Variants in LAMA3 observed in about 807,000 individuals in gnomAD.
LAMA3 encodes the protein laminin subunit alpha 3, also known as laminin subunit alpha-3.
Under a neutral mutation model 402.0 loss-of-function variants are expected in LAMA3, and 281 were observed. That is an observed-to-expected ratio of 0.70 (90% CI 0.63 to 0.77). The LOEUF is 0.77. Ranked by LOEUF, LAMA3 falls within the 30% of genes least tolerant of loss-of-function variation. LAMA3 has a pLI of 0.00. For synonymous variants in LAMA3, 1,431 were observed against 1,558.4 expected, an observed-to-expected ratio of 0.92 and a Z score of 1.93; for missense variants, 3,840 against 4,215.5, an observed-to-expected ratio of 0.91 and a Z score of 2.47.
chr18:23,780,970 C>T (rs548802915), intron 11 of LAMA3, among the ~76,000 whole-genome samples: 5 of 152,280 alleles, frequency 3.3e-5, no homozygotes, highest in Admixed American at 3.3e-4. Context: ...CAGAGAGCCT[C>T]CTTAGGAAGT....
intron 67 of LAMA3, among the ~76,000 whole-genome samples, chr18:23,936,422 G>T (rs778491906): frequency 7.7e-6 from 1 of 130,678 alleles, no homozygotes; most frequent in Non-Finnish European, 1.5e-5. Context: ...GGTGTGTGAC[G>T]TTCCCCTTCC....
At chr18:23,791,734 T>TAAA (rs11348422) in intron 12 of LAMA3, among the ~76,000 whole-genome samples, 3 of 89,658 alleles carry the variant, frequency 3.3e-5, no homozygotes, top group East Asian at 4.4e-4. Flanking sequence ...AGAATTTGTC[T>TAAA]AAAAAAAAAA....
chr18:23,712,137 T>A (rs1169674516), intron 1 of LAMA3, among the ~76,000 whole-genome samples: 1 of 152,124 alleles, frequency 6.6e-6, no homozygotes, highest in African/African-American at 2.4e-5. Context: ...TCCCAGCACT[T>A]TGGGAGGCCG....
At chr18:23,878,352 ACT>A (rs777271795) in intron 39 of LAMA3, among the ~76,000 whole-genome samples, 98 of 152,262 alleles carry the variant, frequency 6.4e-4, no homozygotes, top group Non-Finnish European at 1.3e-3. Flanking sequence ...GCCGCCAGAG[ACT>A]CTTCATTCAG....
chr18:23,805,913 G>A (rs1048548618), intron 12 of LAMA3, among the ~76,000 whole-genome samples: 1 of 152,190 alleles, frequency 6.6e-6, no homozygotes, highest in African/African-American at 2.4e-5. Context: ...AGAGTTCTGG[G>A]TCTGTAAACC....
intron 74 of LAMA3, 128 bp downstream of exon 74, chr18:23,953,237 G>A (rs2082982981): frequency 8.1e-7 from 1 of 1,239,700 alleles, no homozygotes; most frequent in Non-Finnish European, 1.2e-6. Flanking sequence ...CTGGCATGTG[G>A]GGAAAGGCAG....
chr18:23,922,534 C>T (rs2081877457), intron 62 of LAMA3, among the ~76,000 whole-genome samples: 1 of 152,210 alleles, frequency 6.6e-6, no homozygotes, highest in African/African-American at 2.4e-5. Flanking sequence ...AATGGGAAAG[C>T]TGGGCACTTC....
At chr18:23,717,486 G>GTTA (rs2061122606) in intron 2 of LAMA3, among the ~76,000 whole-genome samples, 1 of 130,808 alleles carries the variant, frequency 7.6e-6, no homozygotes, top group Non-Finnish European at 1.6e-5. Context: ...GTTTTTCATT[G>GTTA]TTATTTTTTT....
chr18:23,847,758 C>T (rs929646075), intron 32 of LAMA3, 90 bp downstream of exon 32: 12 of 1,357,720 alleles, frequency 8.8e-6, no homozygotes, highest in Middle Eastern at 4.9e-4. Flanking sequence ...TTCCACTTCC[C>T]ACCTGTCCAG....
chr18:23,912,794 ATC>A lies in LAMA3; in HGVS notation c.7246_7247del (p.Leu2416ValfsTer16). ...ACCTGGAAGATTTGAAAGGATATAC[ATC>A]TCTGTCCTTGTTTCTCCAAAGGCCC... The part of the protein sequence containing the change: ...NDLEDLKGYT[S>X]LSLFLQRPNS... On this transcript the variant is annotated frameshift_variant, in exon 56 of 75. Transcript: ENST00000313654. LOFTEE classifies it high-confidence loss of function. 1 of 1,613,846 alleles carries A rather than the reference ATC, an allele frequency of 6.2e-7. No homozygotes were observed. The highest frequency in any genetic ancestry group is 8.5e-7 in the Non-Finnish European group (1 of 1,179,706).
intron 14 of LAMA3, among the ~76,000 whole-genome samples, chr18:23,813,505 A>G (rs1391781733): frequency 4.0e-5 from 6 of 151,232 alleles, no homozygotes; most frequent in Admixed American, 2.0e-4. Context: ...TCCAAGCACA[A>G]TACCATGGTA....
intron 2 of LAMA3, among the ~76,000 whole-genome samples, chr18:23,743,417 A>G (rs891425482): frequency 4.6e-5 from 7 of 152,308 alleles, no homozygotes; most frequent in Admixed American, 3.9e-4. Context: ...AGTAGCAGCT[A>G]CACAGCTTTA....
intron 2 of LAMA3, among the ~76,000 whole-genome samples, chr18:23,737,328 G>A (rs377594719): frequency 1.2e-3 from 176 of 152,276 alleles, no homozygotes; most frequent in African/African-American, 3.8e-3. Flanking sequence ...CTGATGGGGC[G>A]GAAACCCAGT....
chr18:23,794,731 A>G (rs2062729730), intron 12 of LAMA3, among the ~76,000 whole-genome samples: 1 of 152,216 alleles, frequency 6.6e-6, no homozygotes, highest in African/African-American at 2.4e-5. Flanking sequence ...AGTTGACAGC[A>G]GGAGTTGTGC....
chr18:23,887,145 T>G (rs959348448), intron 41 of LAMA3, among the ~76,000 whole-genome samples: 44 of 152,252 alleles, frequency 2.9e-4, no homozygotes, highest in Non-Finnish European at 6.5e-4. Context: ...TGCTAAGTAC[T>G]GGAGGCACAT....
At chr18:23,946,044 T>C in intron 69 of LAMA3, 100 bp from the exon 70 acceptor site, 1 of 1,199,072 alleles carries the variant, frequency 8.3e-7, no homozygotes, top group Non-Finnish European at 1.2e-6. Context: ...TGAAGGAGCA[T>C]GAAAACATTT....
intron 6 of LAMA3, among the ~76,000 whole-genome samples, chr18:23,757,744 C>G (rs1275693380): frequency 6.6e-6 from 1 of 152,202 alleles, no homozygotes; most frequent in African/African-American, 2.4e-5. Flanking sequence ...GCTTGGAGTT[C>G]CAACCCAAAG....
intron 14 of LAMA3, 83 bp downstream of exon 14, chr18:23,813,186 C>A: frequency 1.1e-6 from 1 of 947,788 alleles, no homozygotes; most frequent in Non-Finnish European, 1.7e-6. Flanking sequence ...TGGGCACTTC[C>A]AGAAATTAAA....
At chr18:23,880,152 T>C (rs560735373) in intron 39 of LAMA3, among the ~76,000 whole-genome samples, 30 of 152,300 alleles carry the variant, frequency 2.0e-4, no homozygotes, top group African/African-American at 7.2e-4. Flanking sequence ...GTGAGAGGAC[T>C]CCTCTGTGGA....
Sources: gnomAD v4.1 joint callset for allele counts (sites outside exome capture counted in the v4.1 genomes callset) on GRCh38, gnomAD v4.1.1 for gene constraint, MANE v1.5 for transcripts, NCBI Gene and HGNC (gene_info 2026-07-23, HGNC 2026-07-21) for gene names.